TNFRSF8: variants seen among roughly 807,000 people sequenced by gnomAD.
TNFRSF8 encodes the protein TNF receptor superfamily member 8, also known as tumor necrosis factor receptor superfamily member 8.
TNFRSF8 carries 26 observed loss-of-function variants against 70.8 expected under a neutral mutation model. The observed-to-expected ratio is 0.37, with a 90% CI of 0.27 to 0.51. TNFRSF8 has a LOEUF of 0.51. TNFRSF8 is among the 20% of genes least tolerant of loss of function. The pLI, the probability that TNFRSF8 is intolerant of heterozygous loss-of-function variation, is 0.94. For missense variants in TNFRSF8, 720 were observed against 807.9 expected (o/e 0.89, Z 1.32); for synonymous variants, 356 against 339.2 (o/e 1.05, Z -0.54).
chr1:12,117,216 G>A (rs1266784890), intron 8 of TNFRSF8, among the ~76,000 whole-genome samples: 1 of 152,042 alleles, frequency 6.6e-6, no homozygotes, highest in East Asian at 1.9e-4. Flanking sequence ...CCGAGTAGCT[G>A]GGATTACAGG....
At chr1:12,102,594 C>G (rs2100992855) in intron 3 of TNFRSF8, among the ~76,000 whole-genome samples, 1 of 152,318 alleles carries the variant, frequency 6.6e-6, no homozygotes, top group Non-Finnish European at 1.5e-5. Flanking sequence ...GGGGCCATCT[C>G]AACTCACTGC....
At chr1:12,118,142 G>A (rs545439179) in intron 8 of TNFRSF8, among the ~76,000 whole-genome samples, 25 of 135,948 alleles carry the variant, frequency 1.8e-4, no homozygotes, top group African/African-American at 2.7e-4. Context: ...ACAAAGTCTC[G>A]CTCTGTTGCC....
chr1:12,118,435 A>T (rs1407993043), intron 8 of TNFRSF8, among the ~76,000 whole-genome samples: 1 of 152,216 alleles, frequency 6.6e-6, no homozygotes, highest in Non-Finnish European at 1.5e-5. Context: ...TAAAATAAAT[A>T]TGAATGAGCA....
At chr1:12,067,851 G>A (rs996397223) in intron 1 of TNFRSF8, among the ~76,000 whole-genome samples, 4 of 144,690 alleles carry the variant, frequency 2.8e-5, no homozygotes, top group African/African-American at 1.0e-4. Context: ...TTGCAAAAGG[G>A]ACATTTCCAG....
rs761508305 is a variant in TNFRSF8, at chr1:12,088,845, C to T, written c.151+4294C>T. 3.3e-5 allele frequency among the ~76,000 whole-genome samples: 5 copies of T among 152,240 alleles called. No homozygotes were observed. The highest frequency in any genetic ancestry group is 6.5e-5 in the Admixed American group (1 of 15,290). On this transcript the variant is annotated intron_variant, in intron 2 of 14. Transcript: ENST00000263932. The surrounding 1 kb of genome is among the most constrained non-coding windows in gnomAD (Gnocchi z 4.0). ...AGCTCAGCTTTGTGCATGGGCACGC[C>T]CATTTGGCATGACAGCTGCTGCCCC...
At chr1:12,099,593 T>G (rs1641385471) in intron 3 of TNFRSF8, among the ~76,000 whole-genome samples, 3 of 152,162 alleles carry the variant, frequency 2.0e-5, no homozygotes, top group East Asian at 1.9e-4. Flanking sequence ...TACAATTTTT[T>G]TGTGTGTCTC....
chr1:12,105,112 C>G (rs560754459), intron 4 of TNFRSF8, among the ~76,000 whole-genome samples: 1 of 152,272 alleles, frequency 6.6e-6, no homozygotes, highest in East Asian at 1.9e-4. Context: ...GGACCATCTT[C>G]CAGAAGGGAG....
At chr1:12,102,434 A>G (rs1641441421) in intron 3 of TNFRSF8, among the ~76,000 whole-genome samples, 1 of 151,938 alleles carries the variant, frequency 6.6e-6, no homozygotes, top group African/African-American at 2.4e-5. Flanking sequence ...TATTTCGGGG[A>G]GTTGTCTTCG....
At chr1:12,106,331 C>T (rs1021121165) in intron 4 of TNFRSF8, among the ~76,000 whole-genome samples, 2 of 152,164 alleles carry the variant, frequency 1.3e-5, no homozygotes, top group South Asian at 2.1e-4. Flanking sequence ...TCCCCATTCA[C>T]TTAGTCAAAT....
intron 12 of TNFRSF8, among the ~76,000 whole-genome samples, chr1:12,126,635 C>G (rs1016501324): frequency 6.6e-6 from 1 of 152,204 alleles, no homozygotes; most frequent in African/African-American, 2.4e-5. Flanking sequence ...TTTCCCCTCT[C>G]TCCCCCTCTT....
In TNFRSF8 at chr1:12,110,862, T is replaced by C. The variant is rs1022387329; in HGVS notation, c.676+658T>C. Among the ~76,000 whole-genome samples, 41 of 128,576 alleles carry C rather than the reference T, an allele frequency of 3.2e-4. No homozygotes were observed. The highest frequency in any genetic ancestry group is 1.2e-3 in the African/African-American group (40 of 32,106). 84.4% of individuals were successfully genotyped at this position (128,576 alleles called of 152,430 possible). On this transcript the variant is annotated intron_variant, in intron 6 of 14. Transcript: ENST00000263932. The surrounding 1 kb of genome is among the most constrained non-coding windows in gnomAD (Gnocchi z 4.0). ...ATCCGCCCACCTCGGCCTCCCAAAG[T>C]GCTGGGAGGATTACAGGCGTGAGCC...
rs1641649037 is a variant in TNFRSF8, at chr1:12,112,386, C to T, written c.793+372C>T. Among the ~76,000 whole-genome samples, 1 of 151,522 alleles carries T rather than the reference C, an allele frequency of 6.6e-6. No homozygotes were observed. The highest frequency in any genetic ancestry group is 1.5e-5 in the Non-Finnish European group (1 of 67,930). ...CTCCACTCGCTGCCCCTATGAGCCA[C>T]TTATTCTTTTTTTTTTTTTCCCAGA... On this transcript the variant is annotated intron_variant, in intron 7 of 14. Transcript: ENST00000263932. This position sits in a 1 kb window ranked among gnomAD's most constrained non-coding sequence, Gnocchi z 5.3.
rs1307973496 is a variant in TNFRSF8 at position 12,132,568 on chromosome 1, T to G, written c.1310-3020T>G. On this transcript the variant is annotated intron_variant, in intron 12 of 14. Transcript: ENST00000263932. ...CACATCAAATCTTGGCTGGGCGCAG[T>G]AGCTCATGCCTGTAATCCCAGCACT... Among the ~76,000 whole-genome samples the G allele has an allele frequency of 4.7e-4, 71 of 152,216 alleles. 1 individual carries two copies. The highest frequency in any genetic ancestry group is 4.6e-3 in the Admixed American group (71 of 15,278).
intron 13 of TNFRSF8, among the ~76,000 whole-genome samples, chr1:12,137,247 A>G (rs1297624372): frequency 6.6e-6 from 1 of 152,182 alleles, no homozygotes; most frequent in Non-Finnish European, 1.5e-5. Context: ...GTTTTGGGAA[A>G]GTAGAATTTA....
chr1:12,087,174 T>TG (rs1308139078), intron 2 of TNFRSF8, among the ~76,000 whole-genome samples: 3 of 146,816 alleles, frequency 2.0e-5, no homozygotes, highest in Non-Finnish European at 1.5e-5. Context: ...TCTTTTTTTT[T>TG]TTTTTTTTTT....
intron 12 of TNFRSF8, among the ~76,000 whole-genome samples, chr1:12,134,462 A>G (rs1642108782): frequency 6.6e-6 from 1 of 152,152 alleles, no homozygotes; most frequent in Non-Finnish European, 1.5e-5. Context: ...TTAAATGTCA[A>G]TATGTGCTTG....
At chr1:12,092,806 C>A (rs948108936) in intron 2 of TNFRSF8, among the ~76,000 whole-genome samples, 1 of 150,986 alleles carries the variant, frequency 6.6e-6, no homozygotes, top group Non-Finnish European at 1.5e-5. Flanking sequence ...CCGCGCCCGA[C>A]CTCTTTTTAT....
intron 1 of TNFRSF8, among the ~76,000 whole-genome samples, chr1:12,076,669 C>T (rs1401842885): frequency 6.6e-6 from 1 of 152,182 alleles, no homozygotes; most frequent in Non-Finnish European, 1.5e-5. Context: ...TCGGCACCTG[C>T]TTGCAGTGGG....
intron 1 of TNFRSF8, chr1:12,080,323 T>C (rs1641042182): frequency 1.9e-6 from 1 of 524,226 alleles, no homozygotes; most frequent in Admixed American, 1.9e-5. Context: ...CCTTCTTCTC[T>C]CCATCCGGCC....
Sources: allele counts gnomAD v4.1 joint callset (sites outside exome capture counted in the v4.1 genomes callset), GRCh38; gene constraint gnomAD v4.1.1; non-coding constraint Gnocchi (gnomAD v3.1); transcripts MANE v1.5; gene names NCBI Gene and HGNC (gene_info 2026-07-23, HGNC 2026-07-21).